The following IKZF1 variants were observed in gnomAD, a reference collection of about 807,000 sequenced individuals.
The protein encoded by IKZF1 is IKAROS family zinc finger 1.
In IKZF1, 10 loss-of-function variants were observed where a neutral mutation model predicts 51.7. The observed-to-expected ratio is 0.19, with a 90% confidence interval of 0.12 to 0.33. The LOEUF (loss-of-function observed/expected upper bound fraction) is 0.33, where lower values mean the gene tolerates loss of function less well. Among genes scored for constraint, IKZF1 ranks in the 10% least tolerant of loss-of-function variants. The pLI is 1.00. For synonymous variants in IKZF1, 280 were observed against 282.3 expected, an observed-to-expected ratio of 0.99 and a Z score of 0.08; for missense variants, 484 against 707.5, an observed-to-expected ratio of 0.68 and a Z score of 3.58.
chr7:50,337,633 A>G (rs1406922629), intron 3 of IKZF1, among the ~76,000 whole-genome samples: 2 of 152,202 alleles, frequency 1.3e-5, no homozygotes, highest in Non-Finnish European at 2.9e-5. Flanking sequence ...ATTGGTATTG[A>G]ATGAATGAAT....
chr7:50,345,222 A>C (rs1327362211), intron 3 of IKZF1, among the ~76,000 whole-genome samples: 1 of 152,152 alleles, frequency 6.6e-6, no homozygotes, highest in Non-Finnish European at 1.5e-5. Flanking sequence ...CCTTACTAAA[A>C]TATTCATGGG....
intron 4 of IKZF1, among the ~76,000 whole-genome samples, chr7:50,377,777 G>C (rs2153471796): frequency 6.6e-6 from 1 of 152,344 alleles, no homozygotes; most frequent in African/African-American, 2.4e-5. Context: ...CTGTTCTAAA[G>C]TTGGGTAAAA....
At chr7:50,315,498 A>G (rs1791321865) in intron 1 of IKZF1, among the ~76,000 whole-genome samples, 1 of 152,206 alleles carries the variant, frequency 6.6e-6, no homozygotes, top group Admixed American at 6.5e-5. Flanking sequence ...CTTGTGCAAG[A>G]TTCAGAACTG....
rs1339186552 is a variant in IKZF1, at chr7:50,377,106, T to C, written c.421+313T>C. On this transcript the variant is annotated intron_variant, in intron 4 of 7. Coordinates refer to ENST00000331340, the MANE Select transcript of IKZF1 (RefSeq NM_006060.6). ...ATACTAAGTAGTCTCAGCTGAGCCC[T>C]CAGGGTACGTGTGCTGAGTGGTCAC... 4 of 347,422 alleles carry C rather than the reference T, an allele frequency of 1.2e-5. No individual in the cohort carries two copies. In the Admixed American group the frequency reaches 1.3e-4, roughly 12 times the overall value. 21.5% of individuals were successfully genotyped at this position (347,422 alleles called of 1,614,324 possible).
intron 3 of IKZF1, among the ~76,000 whole-genome samples, chr7:50,340,674 G>A (rs958731288): frequency 5.3e-5 from 8 of 152,326 alleles, no homozygotes; most frequent in Admixed American, 1.3e-4. Context: ...CTCTCCAGTT[G>A]AACTTGGTGG....
chr7:50,372,314 G>A (rs867574810), intron 3 of IKZF1, among the ~76,000 whole-genome samples: 2 of 152,274 alleles, frequency 1.3e-5, no homozygotes, highest in South Asian at 2.1e-4. Flanking sequence ...AATCTTACGC[G>A]CCCCGTGGTG....
intron 3 of IKZF1, among the ~76,000 whole-genome samples, chr7:50,330,003 T>C (rs2153391702): frequency 6.6e-6 from 1 of 152,254 alleles, no homozygotes; most frequent in African/African-American, 2.4e-5. Flanking sequence ...GGACGTCATA[T>C]TGTTGGTGGG....
At chr7:50,323,222 G>T (rs1242180835) in intron 2 of IKZF1, among the ~76,000 whole-genome samples, 1 of 152,182 alleles carries the variant, frequency 6.6e-6, no homozygotes, top group South Asian at 2.1e-4. Flanking sequence ...AACCTGCAGG[G>T]AGCTGAGACA....
chr7:50,307,483 A>C (rs1789091275), intron 1 of IKZF1, among the ~76,000 whole-genome samples: 1 of 152,194 alleles, frequency 6.6e-6, no homozygotes, highest in Admixed American at 6.5e-5. Context: ...GCCTGCTTCT[A>C]GCGGCAGAGT....
At chr7:50,354,930 A>T (rs898808215) in intron 3 of IKZF1, among the ~76,000 whole-genome samples, 33 of 152,280 alleles carry the variant, frequency 2.2e-4, no homozygotes, top group African/African-American at 7.7e-4. Flanking sequence ...CTTCAGCGTC[A>T]AAAACGTCAC....
chr7:50,316,708 G>A (rs796434554), intron 1 of IKZF1, among the ~76,000 whole-genome samples: 10 of 152,342 alleles, frequency 6.6e-5, no homozygotes, highest in African/African-American at 2.2e-4. Flanking sequence ...ACATCTCACC[G>A]CCTGAAAGGA....
intron 2 of IKZF1, among the ~76,000 whole-genome samples, chr7:50,326,818 G>T (rs1484280148): frequency 1.3e-5 from 2 of 152,210 alleles, no homozygotes; most frequent in Non-Finnish European, 2.9e-5. Flanking sequence ...TAGGCATGGG[G>T]TTCCCTTCCA....
At position 50,400,226 on chromosome 7, in the gene IKZF1, G is replaced by A. The variant is rs2153518618; in HGVS notation, c.1159G>A (p.Glu387Lys). The A allele has an allele frequency of 6.2e-7, 1 of 1,600,620 alleles. No homozygotes were observed. Among genetic ancestry groups the A allele is most frequent in the Non-Finnish European group, 8.5e-7 (1 of 1,174,458 alleles). The stretch of plus-strand genomic sequence containing the variant: ...GGCCAAGTTGGTGCCCTCGGAGCGC[G>A]AGGCGTCCCCGAGCAACAGCTGCCA... Reference protein sequence around the residue: ...SKAKLVPSEREASPSNSCQDS... With the variant: ...SKAKLVPSERKASPSNSCQDS... The change falls in exon 8 of 8, where the codon GAG becomes AAG. Residue 387 changes from glutamate to lysine, a missense_variant. Glu to Lys is a moderately conservative substitution (Grantham distance 56). Coordinates refer to ENST00000331340, the MANE Select transcript of IKZF1 (RefSeq NM_006060.6). This position sits in a 1 kb window ranked among gnomAD's most constrained non-coding sequence, Gnocchi z 5.4.
intron 3 of IKZF1, among the ~76,000 whole-genome samples, chr7:50,364,905 A>G (rs1442970322): frequency 6.6e-6 from 1 of 152,226 alleles, no homozygotes; most frequent in African/African-American, 2.4e-5. Context: ...GAGGTGTAGC[A>G]GTCGCACTTG....
chr7:50,362,091 A>G (rs980760270), intron 3 of IKZF1, among the ~76,000 whole-genome samples: 2 of 152,234 alleles, frequency 1.3e-5, no homozygotes, highest in Non-Finnish European at 2.9e-5. Flanking sequence ...TACTACATGA[A>G]GAGAGAAAGG....
At chr7:50,327,916 C>T in intron 3 of IKZF1, 159 bp downstream of exon 3, 1 of 846,624 alleles carries the variant, frequency 1.2e-6, no homozygotes, top group Non-Finnish European at 1.8e-6. Flanking sequence ...TGGGGGTCCT[C>T]TGGTGTGTGG....
intron 3 of IKZF1, among the ~76,000 whole-genome samples, chr7:50,334,098 G>C (rs1797014519): frequency 6.6e-6 from 1 of 152,202 alleles, no homozygotes; most frequent in Non-Finnish European, 1.5e-5. Context: ...GTTTTGGGTA[G>C]GATTTTTATG....
At position 50,403,876 on chromosome 7, in the gene IKZF1, A is replaced by T. The variant is rs1818552652; in HGVS notation, c.*3249A>T. On this transcript the variant is annotated 3_prime_UTR_variant, in exon 8 of 8. Coordinates refer to ENST00000331340, the MANE Select transcript of IKZF1 (RefSeq NM_006060.6). The stretch of plus-strand genomic sequence containing the variant: ...GTTTTGTAGTGTCCTCTTCTTGCCA[A>T]AACAAACGCGAGATGAACTGGACTT... 1 of 219,496 alleles carries T rather than the reference A, an allele frequency of 4.6e-6. No homozygotes were observed. The highest frequency in any genetic ancestry group is 2.2e-5 in the African/African-American group (1 of 44,574). 13.6% of individuals were successfully genotyped at this position (219,496 alleles called of 1,614,324 possible).
At chr7:50,352,656 G>A (rs888957586) in intron 3 of IKZF1, among the ~76,000 whole-genome samples, 1 of 152,208 alleles carries the variant, frequency 6.6e-6, no homozygotes, top group African/African-American at 2.4e-5. Flanking sequence ...GTTTCAGAAT[G>A]AGACCAAAGC....
Sources: gnomAD v4.1 joint callset for allele counts (sites outside exome capture counted in the v4.1 genomes callset) on GRCh38, gnomAD v4.1.1 for gene constraint, Gnocchi (gnomAD v3.1) non-coding constraint, MANE v1.5 for transcripts, NCBI Gene and HGNC (gene_info 2026-07-23, HGNC 2026-07-21) for gene names.